Variants in PDSS2 observed in about 807,000 individuals in gnomAD.
PDSS2 encodes all trans-polyprenyl-diphosphate synthase PDSS2.
Under a neutral mutation model 44.5 loss-of-function variants are expected in PDSS2, and 31 were observed. The observed-to-expected ratio is 0.70, with a 90% CI of 0.52 to 0.94. The LOEUF is 0.94. Ranked by LOEUF, PDSS2 falls within the 40% of genes least tolerant of loss-of-function variation. The pLI, the probability that PDSS2 is intolerant of heterozygous loss-of-function variation, is 0.00. For missense variants in PDSS2, 452 were observed against 482.2 expected, an observed-to-expected ratio of 0.94 and a Z score of 0.59; for synonymous variants, 157 against 180.3, an observed-to-expected ratio of 0.87 and a Z score of 1.03.
At chr6:107,223,124 A>G (rs927578218) in intron 4 of PDSS2, among the ~76,000 whole-genome samples, 2 of 148,846 alleles carry the variant, frequency 1.3e-5, no homozygotes, top group Non-Finnish European at 2.9e-5. Context: ...AATTTTTTGT[A>G]TCTTTAGCAG....
chr6:107,181,150 T>C (rs572239407), intron 7 of PDSS2, among the ~76,000 whole-genome samples: 32 of 152,294 alleles, frequency 2.1e-4, no homozygotes, highest in African/African-American at 7.5e-4. Flanking sequence ...CAGCCACATA[T>C]AATATTTTAA....
At chr6:107,283,761 G>A (rs1776049235) in intron 2 of PDSS2, among the ~76,000 whole-genome samples, 1 of 151,456 alleles carries the variant, frequency 6.6e-6, no homozygotes, top group Admixed American at 6.6e-5. Context: ...GGACGGGTGT[G>A]GTGGCTCACG....
chr6:107,458,648 T>C, intron 1 of PDSS2, among the ~76,000 whole-genome samples: 1 of 148,514 alleles, frequency 6.7e-6, no homozygotes, highest in Middle Eastern at 3.4e-3. Flanking sequence ...ATCTATCCCA[T>C]TAAAAAAAAA....
At chr6:107,352,289 T>C (rs961047234) in intron 1 of PDSS2, among the ~76,000 whole-genome samples, 16 of 152,208 alleles carry the variant, frequency 1.1e-4, no homozygotes, top group Admixed American at 9.2e-4. Flanking sequence ...TAAATATTCC[T>C]ACACAAGTCA....
At chr6:107,368,894 A>G (rs1779044329) in intron 1 of PDSS2, among the ~76,000 whole-genome samples, 1 of 152,234 alleles carries the variant, frequency 6.6e-6, no homozygotes, top group South Asian at 2.1e-4. Context: ...ACAAAATTAG[A>G]GGACTTGTAC....
chr6:107,320,613 T>C (rs1407754166), intron 2 of PDSS2, among the ~76,000 whole-genome samples: 1 of 152,180 alleles, frequency 6.6e-6, no homozygotes, highest in South Asian at 2.1e-4. Context: ...TTTCACAACA[T>C]ATAAAGAATA....
intron 2 of PDSS2, among the ~76,000 whole-genome samples, chr6:107,284,662 CA>C (rs59471847): frequency 1.5e-3 from 198 of 134,290 alleles, no homozygotes; most frequent in African/African-American, 2.6e-3. Flanking sequence ...ACTTCGTCTC[CA>C]AAAAAAAAAA....
intron 2 of PDSS2, among the ~76,000 whole-genome samples, chr6:107,324,974 C>G (rs541011288): frequency 1.3e-5 from 2 of 152,082 alleles, no homozygotes; most frequent in African/African-American, 4.8e-5. Flanking sequence ...TAATTAGTAC[C>G]ACATTAAAAT....
chr6:107,166,450 C>T (rs1433489715), intron 7 of PDSS2, among the ~76,000 whole-genome samples: 24 of 150,954 alleles, frequency 1.6e-4, no homozygotes, highest in African/African-American at 4.4e-4. Flanking sequence ...CTGCAAACTC[C>T]GCCTCCTGGG....
chr6:107,354,958 T>A (rs552278912), intron 1 of PDSS2, among the ~76,000 whole-genome samples: 23 of 152,164 alleles, frequency 1.5e-4, no homozygotes, highest in African/African-American at 5.5e-4. Flanking sequence ...GAGACGCAGT[T>A]CCACTCTGTC....
chr6:107,200,074 T>C (rs1354820189), intron 6 of PDSS2, among the ~76,000 whole-genome samples: 4 of 152,106 alleles, frequency 2.6e-5, no homozygotes, highest in South Asian at 4.1e-4. Context: ...TTAAAAGCAG[T>C]GCGTCTAAAG....
chr6:107,455,940 G>A (rs899137223), intron 1 of PDSS2, among the ~76,000 whole-genome samples: 2 of 152,060 alleles, frequency 1.3e-5, no homozygotes, highest in South Asian at 2.1e-4. Flanking sequence ...TTATATCCTC[G>A]TGACATGAAC....
At chr6:107,249,273 CCTTGCGT>C in intron 3 of PDSS2, among the ~76,000 whole-genome samples, 1 of 152,122 alleles carries the variant, frequency 6.6e-6, no homozygotes, top group East Asian at 1.9e-4. Context: ...TCAGTACAAG[CCTTGCGT>C]AGATGAACAG....
chr6:107,166,361 G>GT (rs34385593), intron 7 of PDSS2, among the ~76,000 whole-genome samples: 3,071 of 100,924 alleles, frequency 0.03, 179 homozygotes, highest in African/African-American at 0.096. Context: ...TTTATTGAGA[G>GT]TTTTTTTTTT....
intron 2 of PDSS2, among the ~76,000 whole-genome samples, chr6:107,311,519 C>T (rs1235987505): frequency 1.3e-5 from 2 of 152,038 alleles, no homozygotes; most frequent in Non-Finnish European, 2.9e-5. Flanking sequence ...TCAATCAGCA[C>T]ATTTTAATAT....
chr6:107,459,399 C>A lies in PDSS2; in HGVS notation c.-114G>T. On this transcript the variant is annotated 5_prime_UTR_variant, in exon 1 of 8. It adds an upstream start codon to the 5' untranslated region. Transcript: ENST00000369037. This position sits in a 1 kb window ranked among gnomAD's most constrained non-coding sequence, Gnocchi z 4.3. The stretch of plus-strand genomic sequence containing the variant: ...TAAAAGGAAGCGGCAATTCTTGACC[C>A]TCAGAGTAAGGTGGCTTCCTGGAGC... 1 of 847,598 alleles carries A rather than the reference C, an allele frequency of 1.2e-6. No individual in the cohort carries two copies. The highest frequency in any genetic ancestry group is 1.9e-6 in the Non-Finnish European group (1 of 529,142). The allele number at this position is 847,598 out of a possible 1,614,324, so 52.5% of individuals were successfully genotyped here.
intron 1 of PDSS2, among the ~76,000 whole-genome samples, chr6:107,362,513 C>A (rs921983589): frequency 6.6e-6 from 1 of 152,134 alleles, no homozygotes; most frequent in Non-Finnish European, 1.5e-5. Context: ...ATACAGACTT[C>A]AAAGGTTTAG....
chr6:107,362,630 G>T (rs772016558), intron 1 of PDSS2, among the ~76,000 whole-genome samples: 13 of 152,166 alleles, frequency 8.5e-5, no homozygotes, highest in Non-Finnish European at 1.9e-4. Flanking sequence ...GTATTCAACA[G>T]AAAGTTAGGA....
At chr6:107,448,111 A>G (rs1166035352) in intron 1 of PDSS2, among the ~76,000 whole-genome samples, 1 of 152,106 alleles carries the variant, frequency 6.6e-6, no homozygotes, top group Non-Finnish European at 1.5e-5. Flanking sequence ...CTGGCCCAGG[A>G]AACCATTTTT....
Sources: allele counts gnomAD v4.1 joint callset (sites outside exome capture counted in the v4.1 genomes callset), GRCh38; gene constraint gnomAD v4.1.1; non-coding constraint Gnocchi (gnomAD v3.1); transcripts MANE v1.5; gene names NCBI Gene and HGNC (gene_info 2026-07-23, HGNC 2026-07-21).